LHFPL3: variants seen among roughly 807,000 people sequenced by gnomAD.
The protein encoded by LHFPL3 is LHFPL tetraspan subfamily member 3, also known as LHFPL tetraspan subfamily member 3 protein.
A neutral mutation model predicts 19.3 loss-of-function variants in LHFPL3; 5 were observed. The ratio of observed to expected loss-of-function variants is 0.26; its 90% CI spans 0.14 to 0.54. The LOEUF is 0.54. Ranked by LOEUF, LHFPL3 falls within the 20% of genes least tolerant of loss-of-function variation. The pLI is 0.94. For missense variants in LHFPL3, 249 were observed against 307.4 expected, an observed-to-expected ratio of 0.81 and a Z score of 1.42; for synonymous variants, 133 against 126.2, an observed-to-expected ratio of 1.05 and a Z score of -0.36.
At chr7:104,558,797 G>T (rs1314503001) in intron 1 of LHFPL3, among the ~76,000 whole-genome samples, 4 of 145,824 alleles carry the variant, frequency 2.7e-5, no homozygotes, top group Non-Finnish European at 5.9e-5. Flanking sequence ...TTCTTCTAGG[G>T]TTTTTATGGT....
At chr7:104,596,027 A>T (rs979404253) in intron 1 of LHFPL3, among the ~76,000 whole-genome samples, 5 of 152,210 alleles carry the variant, frequency 3.3e-5, no homozygotes, top group South Asian at 4.1e-4. Flanking sequence ...GGGTGAGACA[A>T]TACCCCACCC....
rs151116868 is a variant in LHFPL3 at position 104,367,668 on chromosome 7, A to G, written c.445+38444A>G. Among the ~76,000 whole-genome samples the G allele has an allele frequency of 3.4e-3, 519 of 152,328 alleles. 3 individuals are homozygous for G. Among genetic ancestry groups the G allele is most frequent in the African/African-American group, 0.012 (495 of 41,574 alleles). ...TTTCCAACTTGGAAATTCTGGATCT[A>G]TTCACATAATATTAGAAAAAAAATG... On this transcript the variant is annotated intron_variant, in intron 1 of 2. Transcript: ENST00000424859.
intron 2 of LHFPL3, among the ~76,000 whole-genome samples, chr7:104,821,978 T>C (rs1584554132): frequency 6.6e-6 from 1 of 151,896 alleles, no homozygotes; most frequent in East Asian, 1.9e-4. Context: ...ATGTCAAGAG[T>C]GAAGGGGCTA....
intron 2 of LHFPL3, chr7:104,802,792 T>G (rs908078433): frequency 6.6e-6 from 1 of 152,284 alleles, no homozygotes; most frequent in African/African-American, 2.4e-5. Context: ...GTTCCATCCT[T>G]TCCAACCCCA....
chr7:104,361,272 T>C (rs1040686059), intron 1 of LHFPL3, among the ~76,000 whole-genome samples: 1 of 152,208 alleles, frequency 6.6e-6, no homozygotes, highest in African/African-American at 2.4e-5. Flanking sequence ...TAGAATAACA[T>C]TGTTTCCATT....
chr7:104,419,888 G>A lies in LHFPL3; in HGVS notation c.445+90664G>A, dbSNP rs889855656. On this transcript the variant is annotated intron_variant, in intron 1 of 2. Transcript: ENST00000424859. ...AAGCAAATATGCTGGATTGGACTTT[G>A]GGCACCCAGAAGTATCCCGGTTCTA... Among the ~76,000 whole-genome samples, 3 of 152,106 alleles carry A rather than the reference G, an allele frequency of 2.0e-5. 1 individual carries two copies. Among genetic ancestry groups the A allele is most frequent in the Non-Finnish European group, 4.4e-5 (3 of 68,026 alleles).
At chr7:104,721,733 G>T (rs1478391789) in intron 1 of LHFPL3, among the ~76,000 whole-genome samples, 1 of 152,162 alleles carries the variant, frequency 6.6e-6, no homozygotes, top group African/African-American at 2.4e-5. Flanking sequence ...GGAATAAGGG[G>T]CCAAGAGTAT....
intron 1 of LHFPL3, among the ~76,000 whole-genome samples, chr7:104,723,645 C>G (rs1449928590): frequency 6.7e-6 from 1 of 149,046 alleles, no homozygotes; most frequent in Non-Finnish European, 1.5e-5. Context: ...TCGCTTGAAC[C>G]CGCGAGGTAG....
chr7:104,521,549 A>G (rs1380545620), intron 1 of LHFPL3, among the ~76,000 whole-genome samples: 1 of 152,062 alleles, frequency 6.6e-6, no homozygotes, highest in Non-Finnish European at 1.5e-5. Flanking sequence ...GGATCTAATT[A>G]AACTAAAGAG....
chr7:104,848,204 T>C (rs1436857704), intron 2 of LHFPL3, among the ~76,000 whole-genome samples: 1 of 152,172 alleles, frequency 6.6e-6, no homozygotes, highest in Non-Finnish European at 1.5e-5. Context: ...ATGCCGCCTC[T>C]GCATGGCACT....
intron 1 of LHFPL3, among the ~76,000 whole-genome samples, chr7:104,735,559 A>G (rs1319841810): frequency 2.0e-5 from 3 of 152,188 alleles, no homozygotes; most frequent in African/African-American, 7.2e-5. Context: ...TGCTATGACC[A>G]CTGGAAAAGC....
intron 2 of LHFPL3, among the ~76,000 whole-genome samples, chr7:104,816,174 T>C (rs1790558289): frequency 6.6e-6 from 1 of 152,230 alleles, no homozygotes; most frequent in South Asian, 2.1e-4. Context: ...TCGTTGTTGT[T>C]GTTTTACAGC....
At chr7:104,331,794 A>G (rs1343140826) in intron 1 of LHFPL3, among the ~76,000 whole-genome samples, 2 of 152,034 alleles carry the variant, frequency 1.3e-5, no homozygotes, top group Non-Finnish European at 2.9e-5. Context: ...TACTAAAAAT[A>G]CAAAAATTAG....
intron 2 of LHFPL3, among the ~76,000 whole-genome samples, chr7:104,875,148 T>A (rs1791912661): frequency 2.0e-5 from 3 of 152,160 alleles, no homozygotes; most frequent in African/African-American, 7.2e-5. Context: ...TGCAGCCCTA[T>A]ATGGTGGTTC....
In LHFPL3 at chr7:104,384,796, A is replaced by G. The variant is rs557159823; in HGVS notation, c.445+55572A>G. Among the ~76,000 whole-genome samples the G allele has an allele frequency of 2.0e-5, 3 of 151,032 alleles. No homozygotes were observed. In the East Asian group the frequency reaches 5.8e-4, roughly 29 times the overall value. ...GAGTGAAACTCTATTTCAAAAAAAA[A>G]AAAAAAAAAAAAAAAGAAGAATGAA... On this transcript the variant is annotated intron_variant, in intron 1 of 2. Transcript: ENST00000424859.
intron 1 of LHFPL3, among the ~76,000 whole-genome samples, chr7:104,353,477 C>T (rs1417797008): frequency 6.6e-6 from 1 of 152,110 alleles, no homozygotes; most frequent in African/African-American, 2.4e-5. Context: ...TCCTGAAAGA[C>T]ACAATGATAA....
intron 2 of LHFPL3, chr7:104,785,668 T>A (rs1032894122): frequency 6.6e-6 from 1 of 152,376 alleles, no homozygotes; most frequent in East Asian, 1.9e-4. Context: ...AGAAATGTCT[T>A]GAGGCTCTGG....
chr7:104,471,399 T>C (rs1438686181), intron 1 of LHFPL3, among the ~76,000 whole-genome samples: 1 of 152,254 alleles, frequency 6.6e-6, no homozygotes, highest in Admixed American at 6.5e-5. Flanking sequence ...TCTATGACCA[T>C]GTGCTTATAG....
At chr7:104,486,276 C>G in intron 1 of LHFPL3, among the ~76,000 whole-genome samples, 1 of 152,094 alleles carries the variant, frequency 6.6e-6, no homozygotes, top group East Asian at 1.9e-4. Flanking sequence ...TGGCTAGTTC[C>G]CCTTTATCAT....
Sources: gnomAD v4.1 joint callset for allele counts (sites outside exome capture counted in the v4.1 genomes callset) on GRCh38, gnomAD v4.1.1 for gene constraint, MANE v1.5 for transcripts, NCBI Gene and HGNC (gene_info 2026-07-23, HGNC 2026-07-21) for gene names.